Variants in DYNC2H1 observed in about 807,000 individuals in gnomAD.
The protein encoded by DYNC2H1 is dynein cytoplasmic 2 heavy chain 1.
DYNC2H1 carries 410 observed loss-of-function variants against 570.0 expected under a neutral mutation model. That is an observed-to-expected ratio of 0.72 (90% CI 0.66 to 0.78). DYNC2H1 has a LOEUF of 0.78. Ranked by LOEUF, DYNC2H1 falls within the 30% of genes least tolerant of loss-of-function variation. DYNC2H1 has a pLI of 0.00. For synonymous variants in DYNC2H1, 1,688 were observed against 1,677.6 expected (o/e 1.01, Z -0.15); for missense variants, 4,865 against 5,046.4 (o/e 0.96, Z 1.09).
At position 103,323,871 on chromosome 11, in the gene DYNC2H1, C is replaced by T. The variant is rs2135444334; in HGVS notation, c.11935-15C>T. Reference sequence around the variant, plus strand: ...TATTTTTTAAAAAAACTGTTTTTCACTTCTTTATATTTAGGACTATCGTGC... The same window carrying T: ...TATTTTTTAAAAAAACTGTTTTTCATTTCTTTATATTTAGGACTATCGTGC... On this transcript the variant is annotated splice_polypyrimidine_tract_variant and intron_variant, in intron 81 of 88. Transcript: ENST00000375735. The T allele has an allele frequency of 6.3e-7, 1 of 1,593,330 alleles. No individual in the cohort carries two copies. The highest frequency in any genetic ancestry group is 8.6e-7 in the Non-Finnish European group (1 of 1,168,418).
At chr11:103,468,389 G>A (rs1357058880) in intron 87 of DYNC2H1, 200 bp from the exon 88 acceptor site, 3 of 409,088 alleles carry the variant, frequency 7.3e-6, no homozygotes, top group Non-Finnish European at 1.3e-5. Flanking sequence ...CTAAAAATGA[G>A]AAATCAGTCT....
chr11:103,452,276 T>C (rs1944633215), intron 85 of DYNC2H1, among the ~76,000 whole-genome samples: 1 of 152,120 alleles, frequency 6.6e-6, no homozygotes, highest in South Asian at 2.1e-4. Context: ...ATTTCATAAA[T>C]GTTTGCAAAA....
At chr11:103,255,198 C>G (rs746497777) in intron 66 of DYNC2H1, among the ~76,000 whole-genome samples, 18 of 152,066 alleles carry the variant, frequency 1.2e-4, no homozygotes, top group Middle Eastern at 3.2e-3. Flanking sequence ...AGCTTTTCTA[C>G]AGTAGTTAAT....
chr11:103,286,226 C>G, intron 73 of DYNC2H1, 29 bp from the exon 74 acceptor site: 2 of 1,604,524 alleles, frequency 1.2e-6, no homozygotes, highest in South Asian at 2.3e-5. Context: ...GCTTATAGCT[C>G]ACTGTATATG....
At chr11:103,116,264 T>G (rs1354019734) in intron 4 of DYNC2H1, among the ~76,000 whole-genome samples, 3 of 152,034 alleles carry the variant, frequency 2.0e-5, no homozygotes, top group Non-Finnish European at 2.9e-5. Flanking sequence ...ATATGTGGAG[T>G]TGAGATAACC....
chr11:103,233,449 A>G (rs1381193251), intron 60 of DYNC2H1, among the ~76,000 whole-genome samples: 1 of 151,968 alleles, frequency 6.6e-6, no homozygotes, highest in Non-Finnish European at 1.5e-5. Context: ...AGAAAATCAT[A>G]AAGATCAATG....
Position 103,203,635 on chromosome 11 carries a change from T to C in DYNC2H1, c.8198-28T>C. The C allele has an allele frequency of 7.1e-7, 1 of 1,403,366 alleles. No homozygotes were observed. The highest frequency in any genetic ancestry group is 9.8e-7 in the Non-Finnish European group (1 of 1,023,168). The allele number at this position is 1,403,366 out of a possible 1,614,324, so 86.9% of individuals were successfully genotyped here. ...GAAAAAGCATCATTTATTAAAATGT[T>C]TTCAATTAGTCTAATATTTTTCTGT... On this transcript the variant is annotated intron_variant, in intron 50 of 88. Coordinates refer to ENST00000375735, the MANE Select transcript of DYNC2H1 (RefSeq NM_001377.3). This position sits in a 1 kb window ranked among gnomAD's most constrained non-coding sequence, Gnocchi z 4.7.
rs966952372 is a variant in DYNC2H1, at chr11:103,154,554, G to A, written c.3406G>A (p.Glu1136Lys). Residue 1136 changes from glutamate to lysine, a missense_variant, in exon 23 of 89, where the codon GAG becomes AAG. Physicochemically the swap from Glu to Lys is moderately conservative, Grantham distance 56. Coordinates refer to ENST00000375735, the MANE Select transcript of DYNC2H1 (RefSeq NM_001377.3). ...SCAQIWAFYEEFQQGFQEMAN... is the reference protein window; with the variant it reads ...SCAQIWAFYEKFQQGFQEMAN... ...TGCCCAAATTTGGGCCTTTTATGAA[G>A]AGTTTCAACAAGGATTTCAGGAAAT... The A allele has an allele frequency of 5.0e-6, 8 of 1,599,708 alleles. No individual in the cohort carries two copies. Among genetic ancestry groups the A allele is most frequent in the Non-Finnish European group, 6.8e-6 (8 of 1,173,234 alleles).
chr11:103,259,028 G>C (rs996502462), intron 69 of DYNC2H1, among the ~76,000 whole-genome samples: 2 of 152,162 alleles, frequency 1.3e-5, no homozygotes, highest in Non-Finnish European at 1.5e-5. Flanking sequence ...CTGAGTTCCA[G>C]TTCATAATGT....
chr11:103,352,935 T>C (rs1000495056), intron 82 of DYNC2H1, among the ~76,000 whole-genome samples: 2 of 152,190 alleles, frequency 1.3e-5, no homozygotes, highest in African/African-American at 4.8e-5. Flanking sequence ...AAGATAATGT[T>C]GTACATGTAC....
At chr11:103,452,710 A>C (rs1944652555) in intron 85 of DYNC2H1, among the ~76,000 whole-genome samples, 1 of 151,974 alleles carries the variant, frequency 6.6e-6, no homozygotes, top group Non-Finnish European at 1.5e-5. Flanking sequence ...AAAGGAGTGG[A>C]ACTCTTATGA....
chr11:103,217,899 C>T (rs1179120097), intron 55 of DYNC2H1, among the ~76,000 whole-genome samples: 1 of 151,996 alleles, frequency 6.6e-6, no homozygotes, highest in Non-Finnish European at 1.5e-5. Context: ...TTAACATGAA[C>T]AAAAGATTTG....
chr11:103,174,866 A>G (rs1451381298), intron 36 of DYNC2H1, among the ~76,000 whole-genome samples: 1 of 121,750 alleles, frequency 8.2e-6, no homozygotes, highest in East Asian at 2.6e-4. Context: ...CTTTGGAATC[A>G]TGTTAATAAA....
chr11:103,172,937 G>T, intron 34 of DYNC2H1, 145 bp from the exon 35 acceptor site: 1 of 313,752 alleles, frequency 3.2e-6, no homozygotes, highest in Non-Finnish European at 5.1e-6. Context: ...TAAGGTATAA[G>T]ATTTATGTGT....
rs369045981 is a variant in DYNC2H1 at position 103,304,652 on chromosome 11, C to T, written c.11314C>T (p.Arg3772Cys). The T allele has an allele frequency of 8.1e-6, 13 of 1,613,116 alleles. No individual in the cohort carries two copies. The highest frequency in any genetic ancestry group is 4.4e-5 in the South Asian group (4 of 91,054). ...LAIQMLKECA[R>C]NGDWLCLKNL... is the part of the protein sequence containing the mutation. ...AATTCAAATGCTAAAAGAATGTGCC[C>T]GCAATGGAGACTGGCTCTGTTTGAA... The change falls in exon 77 of 89, where the codon CGC becomes TGC. Residue 3772 changes from arginine to cysteine, a missense_variant. By Grantham distance (180) the Arg-to-Cys change is radical. Around this residue, in one of 5 missense-constraint regions of DYNC2H1, gnomAD observed 2,401 missense variants for 2,454.6 expected, o/e 0.98. Transcript: ENST00000375735.
chr11:103,147,208 ATTC>A (rs1860282554), intron 18 of DYNC2H1, among the ~76,000 whole-genome samples: 2 of 152,180 alleles, frequency 1.3e-5, no homozygotes, highest in African/African-American at 4.8e-5. Context: ...ATTGTTTTAT[ATTC>A]TAACAGTTCT....
rs113500197 is a variant in DYNC2H1, at chr11:103,400,673, G to A, written c.12366+801G>A. ...ATTAAGTTTTCTTTTTTTTTTTCAC[G>A]CCCCCTTGCTGTTTGTACTCAATAT... On this transcript the variant is annotated intron_variant, in intron 84 of 88. Transcript: ENST00000375735. Among the ~76,000 whole-genome samples the A allele has an allele frequency of 1.3e-4, 19 of 148,242 alleles. No individual in the cohort carries two copies. The East Asian group carries it at 1.6e-3, about 12-fold the overall frequency.
At chr11:103,231,554 T>A (rs1565415231) in intron 60 of DYNC2H1, among the ~76,000 whole-genome samples, 1 of 150,506 alleles carries the variant, frequency 6.6e-6, no homozygotes, top group East Asian at 2.0e-4. Flanking sequence ...GTTAAAAAAA[T>A]TTCTTCATGC....
rs61051906 is a variant in DYNC2H1, at chr11:103,305,976, A to G, written c.11382+1256A>G. On this transcript the variant is annotated intron_variant, in intron 77 of 88. Coordinates refer to ENST00000375735, the MANE Select transcript of DYNC2H1 (RefSeq NM_001377.3). The surrounding 1 kb of genome is among the most constrained non-coding windows in gnomAD (Gnocchi z 4.3). ...ACCCAGGCTGGAGTGCAGTGGCACA[A>G]GTTTGGCTCACTGCAACCTCCACCT... Among the ~76,000 whole-genome samples the G allele has an allele frequency of 6.0e-3, 918 of 152,284 alleles. 6 individuals are homozygous for G. Among genetic ancestry groups the G allele is most frequent in the African/African-American group, 0.021 (875 of 41,552 alleles).
Sources: allele counts gnomAD v4.1 joint callset (sites outside exome capture counted in the v4.1 genomes callset), GRCh38; gene constraint gnomAD v4.1.1; regional missense constraint gnomAD v4.1.1; non-coding constraint Gnocchi (gnomAD v3.1); transcripts MANE v1.5; gene names NCBI Gene and HGNC (gene_info 2026-07-23, HGNC 2026-07-21).